EDC3: variants seen among roughly 807,000 people sequenced by gnomAD.
EDC3 encodes the protein enhancer of mRNA-decapping protein 3.
In EDC3, 20 loss-of-function variants were observed where a neutral mutation model predicts 41.8. The observed-to-expected ratio is 0.48, with a 90% CI of 0.34 to 0.70. EDC3 has a LOEUF of 0.70. EDC3 is among the 30% of genes least tolerant of loss of function. EDC3 has a pLI of 0.01. For missense variants in EDC3, 444 were observed against 636.8 expected, an observed-to-expected ratio of 0.70 and a Z score of 3.26; for synonymous variants, 206 against 243.2, an observed-to-expected ratio of 0.85 and a Z score of 1.42.
At chr15:74,633,818 C>T (rs1206856487) in intron 6 of EDC3, among the ~76,000 whole-genome samples, 1 of 152,182 alleles carries the variant, frequency 6.6e-6, no homozygotes, top group Non-Finnish European at 1.5e-5. Flanking sequence ...GCCCCCTTCC[C>T]AGCTCTCAGC....
At chr15:74,658,669 G>C (rs1048574645) in intron 3 of EDC3, among the ~76,000 whole-genome samples, 2 of 149,476 alleles carry the variant, frequency 1.3e-5, no homozygotes, top group African/African-American at 2.5e-5. Flanking sequence ...GGCCAGGCGC[G>C]GGGGCTCATG....
intron 3 of EDC3, among the ~76,000 whole-genome samples, chr15:74,667,473 G>A (rs1596320820): frequency 1.2e-5 from 1 of 83,704 alleles, no homozygotes; most frequent in African/African-American, 4.8e-5. Flanking sequence ...GGTGGAGGGA[G>A]GAGGAGGGAG....
At chr15:74,675,181 A>ACGCCTGTAATCCCAGCACTTTGGG in intron 1 of EDC3, 39 bp from the exon 2 acceptor site, 4 of 1,584,500 alleles carry the variant, frequency 2.5e-6, no homozygotes, top group Non-Finnish European at 3.4e-6. Flanking sequence ...CCTTGGTGAA[A>ACGCCTGTAATCCCAGCACTTTGGG]AGACAAACTT....
At chr15:74,683,515 T>C (rs972767163) in intron 1 of EDC3, among the ~76,000 whole-genome samples, 1 of 152,182 alleles carries the variant, frequency 6.6e-6, no homozygotes, top group African/African-American at 2.4e-5. Flanking sequence ...TACTCCAGCC[T>C]GGGCAACAGA....
chr15:74,668,094 G>C (rs1353206681), intron 3 of EDC3, among the ~76,000 whole-genome samples: 1 of 152,112 alleles, frequency 6.6e-6, no homozygotes, highest in Non-Finnish European at 1.5e-5. Context: ...TATAACCCCA[G>C]TCTAATCATG....
At chr15:74,694,124 C>G (rs987779431) in intron 1 of EDC3, among the ~76,000 whole-genome samples, 1 of 152,180 alleles carries the variant, frequency 6.6e-6, no homozygotes, top group Admixed American at 6.5e-5. Flanking sequence ...CTCTAGTAAG[C>G]CCTTCTCTGG....
Position 74,675,131 on chromosome 15 carries a change from C to T in EDC3, c.-7G>A. On this transcript the variant is annotated 5_prime_UTR_variant, in exon 2 of 7. It adds an upstream start codon to the 5' untranslated region. Coordinates refer to ENST00000315127, the MANE Select transcript of EDC3 (RefSeq NM_025083.5). The stretch of plus-strand genomic sequence containing the variant: ...CCAGCCAATCTGTAGCCATGTTTCA[C>T]ACGTGAGACCACTGTGAAGAGAAGG... 1 of 1,612,320 alleles carries T rather than the reference C, an allele frequency of 6.2e-7. No homozygotes were observed. Among genetic ancestry groups the T allele is most frequent in the Non-Finnish European group, 8.5e-7 (1 of 1,180,006 alleles).
intron 1 of EDC3, among the ~76,000 whole-genome samples, chr15:74,682,326 A>T (rs908665460): frequency 1.3e-5 from 2 of 152,038 alleles, no homozygotes; most frequent in Admixed American, 6.6e-5. Context: ...TCAAAAAAAG[A>T]AAAAACCCAA....
At chr15:74,644,477 C>G (rs1219953338) in intron 4 of EDC3, 1 of 152,056 alleles carries the variant, frequency 6.6e-6, no homozygotes, top group Non-Finnish European at 1.5e-5. Context: ...CACATGGACA[C>G]AGGGAGGGGA....
chr15:74,663,067 A>G (rs1352425257), intron 3 of EDC3, among the ~76,000 whole-genome samples: 1 of 152,144 alleles, frequency 6.6e-6, no homozygotes, highest in Non-Finnish European at 1.5e-5. Context: ...CGGGTGGATC[A>G]CCTGAGCTCA....
intron 4 of EDC3, among the ~76,000 whole-genome samples, chr15:74,652,331 C>A (rs1177505653): frequency 2.6e-5 from 4 of 151,730 alleles, no homozygotes; most frequent in Non-Finnish European, 5.9e-5. Context: ...AGGTTCACGC[C>A]ATTCTCCCGC....
chr15:74,677,734 C>A (rs1293054161), intron 1 of EDC3, among the ~76,000 whole-genome samples: 2 of 152,152 alleles, frequency 1.3e-5, no homozygotes, highest in Non-Finnish European at 2.9e-5. Context: ...CCAGCAATCA[C>A]TCTCCTTGGT....
At chr15:74,663,383 C>A (rs1229543718) in intron 3 of EDC3, among the ~76,000 whole-genome samples, 1 of 152,032 alleles carries the variant, frequency 6.6e-6, no homozygotes, top group African/African-American at 2.4e-5. Flanking sequence ...ATTTGTTAGC[C>A]CTAAGCAGTG....
intron 4 of EDC3, among the ~76,000 whole-genome samples, chr15:74,647,530 A>G (rs2062431659): frequency 6.6e-6 from 1 of 152,204 alleles, no homozygotes; most frequent in African/African-American, 2.4e-5. Flanking sequence ...ACAATGGTTC[A>G]TTACTGGGGT....
chr15:74,640,377 T>C, intron 5 of EDC3, 89 bp downstream of exon 5: 1 of 1,419,928 alleles, frequency 7.0e-7, no homozygotes, highest in Non-Finnish European at 9.7e-7. Flanking sequence ...CCTAATGAAC[T>C]CGTATGTGTG....
intron 3 of EDC3, among the ~76,000 whole-genome samples, chr15:74,660,355 G>C (rs1193116914): frequency 1.3e-5 from 2 of 151,814 alleles, no homozygotes; most frequent in African/African-American, 4.8e-5. Flanking sequence ...AGTGAGCTGA[G>C]ATCAAGATTG....
chr15:74,675,925 A>G (rs897150573), intron 1 of EDC3, among the ~76,000 whole-genome samples: 2 of 152,080 alleles, frequency 1.3e-5, no homozygotes, highest in Non-Finnish European at 2.9e-5. Flanking sequence ...TGAAGGTACT[A>G]TAGAACACTA....
At chr15:74,659,597 T>C (rs1026197675) in intron 3 of EDC3, among the ~76,000 whole-genome samples, 1 of 150,556 alleles carries the variant, frequency 6.6e-6, no homozygotes, top group African/African-American at 2.4e-5. Flanking sequence ...ATGGGCTGGG[T>C]ACAGTGGCTC....
chr15:74,674,865 A>T, intron 2 of EDC3, 96 bp downstream of exon 2: 1 of 1,403,720 alleles, frequency 7.1e-7, no homozygotes, highest in Non-Finnish European at 9.9e-7. Flanking sequence ...AAATACAAAA[A>T]GCGGCCATAT....
Sources: allele counts gnomAD v4.1 joint callset (sites outside exome capture counted in the v4.1 genomes callset), GRCh38; gene constraint gnomAD v4.1.1; transcripts MANE v1.5; gene names NCBI Gene and HGNC (gene_info 2026-07-23, HGNC 2026-07-21).